The following GRIP1 variants were observed in gnomAD, a reference collection of about 807,000 sequenced individuals.
The protein encoded by GRIP1 is glutamate receptor-interacting protein 1.
Under a neutral mutation model 129.9 loss-of-function variants are expected in GRIP1, and 45 were observed. That is an observed-to-expected ratio of 0.35 (90% CI 0.27 to 0.44). GRIP1 has a LOEUF of 0.44. GRIP1 is among the 20% of genes least tolerant of loss of function. The pLI, the probability that GRIP1 is intolerant of heterozygous loss-of-function variation, is 1.00. For synonymous variants in GRIP1, 530 were observed against 520.8 expected, an observed-to-expected ratio of 1.02 and a Z score of -0.24; for missense variants, 1,196 against 1,396.8, an observed-to-expected ratio of 0.86 and a Z score of 2.29.
chr12:66,752,102 G>A (rs2037144545), intron 1 of GRIP1, among the ~76,000 whole-genome samples: 1 of 152,074 alleles, frequency 6.6e-6, no homozygotes, highest in Non-Finnish European at 1.5e-5. Flanking sequence ...TTCTTGTAGA[G>A]AGAAAAGATT....
intron 5 of GRIP1, among the ~76,000 whole-genome samples, chr12:66,528,106 A>C (rs547173488): frequency 6.0e-5 from 9 of 151,084 alleles, no homozygotes; most frequent in African/African-American, 2.2e-4. Context: ...ATATAATGCA[A>C]GATAGAATTA....
chr12:66,973,443 T>C (rs1412780184), intron 1 of GRIP1, among the ~76,000 whole-genome samples: 1 of 150,878 alleles, frequency 6.6e-6, no homozygotes, highest in African/African-American at 2.4e-5. Flanking sequence ...GTTAAAACCA[T>C]TTGTAATTCC....
chr12:66,878,297 C>A (rs1187160747), intron 1 of GRIP1, among the ~76,000 whole-genome samples: 4 of 151,826 alleles, frequency 2.6e-5, no homozygotes, highest in African/African-American at 4.8e-5. Flanking sequence ...GCTAAAGGAA[C>A]CTGGAAGAGG....
intron 1 of GRIP1, among the ~76,000 whole-genome samples, chr12:66,813,457 C>G (rs557260326): frequency 6.6e-6 from 1 of 152,228 alleles, no homozygotes; most frequent in African/African-American, 2.4e-5. Flanking sequence ...TCAGAGGAAA[C>G]AGATAACATA....
In GRIP1 at chr12:66,566,831, G is replaced by A. The variant is rs182068291; in HGVS notation, c.137-24881C>T. On this transcript the variant is annotated intron_variant, in intron 2 of 24. Transcript: ENST00000359742. ...CAGAGCCTGTTATTGGTCTATTCAG[G>A]GATTCAACTTCTTCCTAGTTTAGTC... Among the ~76,000 whole-genome samples the A allele has an allele frequency of 1.0e-3, 158 of 152,142 alleles. 1 individual carries two copies. The highest frequency in any genetic ancestry group is 3.6e-3 in the African/African-American group (148 of 41,514).
At chr12:66,384,544 C>T (rs752327557) in intron 19 of GRIP1, among the ~76,000 whole-genome samples, 2 of 152,138 alleles carry the variant, frequency 1.3e-5, no homozygotes, top group Non-Finnish European at 2.9e-5. Flanking sequence ...AAACTGAAGA[C>T]CTTTGACTTT....
intron 19 of GRIP1, among the ~76,000 whole-genome samples, chr12:66,380,947 A>C (rs1470981166): frequency 6.6e-6 from 1 of 152,174 alleles, no homozygotes; most frequent in Admixed American, 6.5e-5. Context: ...TTTCAGGTAC[A>C]GTTAAATGGC....
At chr12:66,424,986 A>G (rs960472592) in intron 14 of GRIP1, among the ~76,000 whole-genome samples, 1 of 150,570 alleles carries the variant, frequency 6.6e-6, no homozygotes, top group African/African-American at 2.4e-5. Flanking sequence ...TGTATCCTGA[A>G]CCCAACTCTC....
At chr12:66,394,726 G>A (rs778236347) in intron 16 of GRIP1, among the ~76,000 whole-genome samples, 4 of 152,176 alleles carry the variant, frequency 2.6e-5, no homozygotes, top group Non-Finnish European at 4.4e-5. Context: ...TAATATGAGA[G>A]GAGAGAGTCA....
chr12:66,778,593 T>C (rs1288029130), intron 1 of GRIP1, among the ~76,000 whole-genome samples: 2 of 152,148 alleles, frequency 1.3e-5, no homozygotes, highest in African/African-American at 4.8e-5. Context: ...GTCGTTTTTC[T>C]GCATGTTTGT....
chr12:66,783,124 G>A (rs1346858587), intron 1 of GRIP1, among the ~76,000 whole-genome samples: 3 of 151,996 alleles, frequency 2.0e-5, no homozygotes, highest in Admixed American at 1.3e-4. Flanking sequence ...TCTGCCTCCC[G>A]GGTTCAAGCA....
chr12:66,491,896 C>T (rs1448090067), intron 7 of GRIP1, among the ~76,000 whole-genome samples: 4 of 152,182 alleles, frequency 2.6e-5, no homozygotes, highest in Non-Finnish European at 5.9e-5. Context: ...CATCATTCTA[C>T]AGAAAGTCGG....
chr12:67,007,883 T>G (rs1040089501), intron 1 of GRIP1, among the ~76,000 whole-genome samples: 1 of 152,096 alleles, frequency 6.6e-6, no homozygotes, highest in African/African-American at 2.4e-5. Context: ...GCCTACAATG[T>G]GCATCAACAT....
chr12:66,825,973 A>G (rs140392621), intron 1 of GRIP1, among the ~76,000 whole-genome samples: 35 of 152,288 alleles, frequency 2.3e-4, no homozygotes, highest in Admixed American at 7.2e-4. Context: ...TACCCAAAGG[A>G]TTATAAATCA....
intron 14 of GRIP1, among the ~76,000 whole-genome samples, chr12:66,431,023 C>G (rs1200538927): frequency 6.6e-6 from 1 of 152,230 alleles, no homozygotes; most frequent in East Asian, 1.9e-4. Context: ...CCAAGACGCA[C>G]CACTCCCACA....
chr12:66,600,808 C>A (rs1028706615), intron 1 of GRIP1, among the ~76,000 whole-genome samples: 2 of 152,220 alleles, frequency 1.3e-5, no homozygotes, highest in Non-Finnish European at 2.9e-5. Context: ...GGGATTCTCA[C>A]TAAAAGTCAC....
chr12:66,467,984 T>G (rs1029082423), intron 7 of GRIP1, among the ~76,000 whole-genome samples: 1 of 152,232 alleles, frequency 6.6e-6, no homozygotes, highest in South Asian at 2.1e-4. Context: ...ATATTACTTA[T>G]TAATCTCTTT....
chr12:66,461,221 C>T (rs1392132572), intron 9 of GRIP1, among the ~76,000 whole-genome samples: 1 of 151,986 alleles, frequency 6.6e-6, no homozygotes, highest in East Asian at 1.9e-4. Flanking sequence ...GTATATAGGG[C>T]CAATTAAAGA....
At chr12:67,068,643 T>G (rs1287875365) in intron 1 of GRIP1, among the ~76,000 whole-genome samples, 1 of 151,808 alleles carries the variant, frequency 6.6e-6, no homozygotes, top group East Asian at 1.9e-4. Context: ...GAGGAAAGTT[T>G]GAAAAGTCAC....
Sources: allele counts gnomAD v4.1 joint callset (sites outside exome capture counted in the v4.1 genomes callset), GRCh38; gene constraint gnomAD v4.1.1; transcripts MANE v1.5; gene names NCBI Gene and HGNC (gene_info 2026-07-23, HGNC 2026-07-21).